Variants in NDRG3 observed in about 807,000 individuals in gnomAD.
NDRG3 encodes the protein protein NDRG3.
A neutral mutation model predicts 57.2 loss-of-function variants in NDRG3; 23 were observed. The observed-to-expected ratio is 0.40, with a 90% CI of 0.29 to 0.57. The LOEUF is 0.57. NDRG3 is among the 20% of genes least tolerant of loss of function. The pLI is 0.42. For synonymous variants in NDRG3, 132 were observed against 162.6 expected (o/e 0.81, Z 1.43); for missense variants, 384 against 457.3 (o/e 0.84, Z 1.46).
chr20:36,687,033 A>AT (rs1488581219), intron 5 of NDRG3, among the ~76,000 whole-genome samples: 2 of 151,998 alleles, frequency 1.3e-5, no homozygotes, highest in South Asian at 2.1e-4. Flanking sequence ...TAATTTTTCA[A>AT]TTTTTTGTAG....
chr20:36,660,774 A>T (rs1600854501), intron 12 of NDRG3, among the ~76,000 whole-genome samples: 2 of 152,072 alleles, frequency 1.3e-5, no homozygotes, highest in East Asian at 3.9e-4. Flanking sequence ...GTTAGCCAGG[A>T]TGGTCTCGAT....
chr20:36,695,077 T>C lies in NDRG3; in HGVS notation c.94-6293A>G, dbSNP rs535922452. 2.0e-5 allele frequency among the ~76,000 whole-genome samples: 3 copies of C among 152,364 alleles called. No homozygotes were observed. The East Asian group carries it at 5.8e-4, about 29-fold the overall frequency. On this transcript the variant is annotated intron_variant, in intron 3 of 15. Coordinates refer to ENST00000349004, the MANE Select transcript of NDRG3 (RefSeq NM_032013.4). Reference sequence around the variant, plus strand: ...ATTTGTTAGTTCTCCAAATTAATACTTTTACAATTTCTTATGCCAGTCTTT... The same window carrying C: ...ATTTGTTAGTTCTCCAAATTAATACCTTTACAATTTCTTATGCCAGTCTTT...
intron 1 of NDRG3, among the ~76,000 whole-genome samples, chr20:36,726,253 G>A (rs951012803): frequency 6.6e-6 from 1 of 152,034 alleles, no homozygotes; most frequent in African/African-American, 2.4e-5. Flanking sequence ...GAAGAAAAAT[G>A]CAATTTTTAC....
chr20:36,721,805 T>C, intron 1 of NDRG3, 22 bp from the exon 2 acceptor site: 1 of 1,164,590 alleles, frequency 8.6e-7, no homozygotes, highest in Non-Finnish European at 1.3e-6. Context: ...AAGAAAGAAG[T>C]GAAGAAAAAG....
chr20:36,681,443 C>T (rs1312617455), intron 7 of NDRG3, among the ~76,000 whole-genome samples: 4 of 151,884 alleles, frequency 2.6e-5, no homozygotes, highest in Admixed American at 2.6e-4. Flanking sequence ...AGAGACCAGC[C>T]TGACCAACAT....
chr20:36,705,729 C>T (rs74760141), intron 3 of NDRG3, among the ~76,000 whole-genome samples: 56 of 152,052 alleles, frequency 3.7e-4, no homozygotes, highest in African/African-American at 1.3e-3. Context: ...TTCTTACTCC[C>T]ATGTTTTCTT....
At chr20:36,681,608 C>G (rs983492681) in intron 7 of NDRG3, among the ~76,000 whole-genome samples, 1 of 145,308 alleles carries the variant, frequency 6.9e-6, no homozygotes, top group Non-Finnish European at 1.5e-5. Flanking sequence ...TGCACTCCAG[C>G]CTGGGCGACA....
intron 15 of NDRG3, among the ~76,000 whole-genome samples, chr20:36,655,811 T>C (rs984641387): frequency 1.3e-5 from 2 of 152,070 alleles, no homozygotes. Context: ...CTTCTATAAA[T>C]TGGCACTAAT....
chr20:36,693,250 A>G (rs1035346081), intron 3 of NDRG3, among the ~76,000 whole-genome samples: 1 of 145,876 alleles, frequency 6.9e-6, no homozygotes, highest in Non-Finnish European at 1.5e-5. Context: ...GTATATATAT[A>G]TTCTAAATAA....
chr20:36,730,917 AAC>A (rs2148215700), intron 1 of NDRG3, among the ~76,000 whole-genome samples: 1 of 151,236 alleles, frequency 6.6e-6, no homozygotes, highest in African/African-American at 2.4e-5. Context: ...CAGCCTGGGC[AAC>A]AGAGGGAGAT....
chr20:36,690,270 CAAATA>C (rs1982155216), intron 3 of NDRG3, among the ~76,000 whole-genome samples: 1 of 151,916 alleles, frequency 6.6e-6, no homozygotes, highest in African/African-American at 2.4e-5. Flanking sequence ...GCTCAGGAAC[CAAATA>C]GAGCAGACAA....
intron 12 of NDRG3, among the ~76,000 whole-genome samples, chr20:36,661,820 G>A (rs2148032532): frequency 6.6e-6 from 1 of 152,284 alleles, no homozygotes; most frequent in African/African-American, 2.4e-5. Flanking sequence ...AAATTACCTA[G>A]GCAAGACCCA....
chr20:36,703,026 G>A (rs1983336534), intron 3 of NDRG3, among the ~76,000 whole-genome samples: 1 of 151,962 alleles, frequency 6.6e-6, no homozygotes, highest in Non-Finnish European at 1.5e-5. Flanking sequence ...CACCATGTTG[G>A]CCAGGCTGGT....
chr20:36,728,738 G>A (rs977792595), intron 1 of NDRG3, among the ~76,000 whole-genome samples: 2 of 151,524 alleles, frequency 1.3e-5, no homozygotes, highest in African/African-American at 4.8e-5. Flanking sequence ...TTGGGGGGGA[G>A]GTTTTGAGAC....
chr20:36,717,421 T>C (rs1984338698), intron 2 of NDRG3, among the ~76,000 whole-genome samples: 1 of 152,126 alleles, frequency 6.6e-6, no homozygotes, highest in African/African-American at 2.4e-5. Flanking sequence ...AAGGATAAGG[T>C]GAAATACTAC....
intron 7 of NDRG3, among the ~76,000 whole-genome samples, chr20:36,681,112 T>A (rs552593566): frequency 1.3e-5 from 2 of 152,352 alleles, no homozygotes; most frequent in South Asian, 4.1e-4. Flanking sequence ...ATCAAATTAC[T>A]TATTTTACTA....
rs1600847428 is a variant in NDRG3, at chr20:36,656,289, G to A, written c.946+71C>T. 16 of 1,462,694 alleles carry A rather than the reference G, an allele frequency of 1.1e-5. No homozygotes were observed. In the East Asian group the frequency reaches 3.4e-4, roughly 31 times the overall value. The allele number at this position is 1,462,694 out of a possible 1,614,324, so 90.6% of individuals were successfully genotyped here. ...CAGAGGTTATATCTCAAGAATTGTGGGCTCCCAGATGTGAAACTGGCTCCC... is the reference window on the plus strand; with the variant it reads ...CAGAGGTTATATCTCAAGAATTGTGAGCTCCCAGATGTGAAACTGGCTCCC... On this transcript the variant is annotated intron_variant, in intron 15 of 15. Transcript: ENST00000349004.
In NDRG3 at chr20:36,684,409, C is replaced by G; in HGVS notation, c.383+4G>C. 6.2e-7 allele frequency: 1 copy of G among 1,613,234 alleles called. No individual in the cohort carries two copies. On this transcript the variant is annotated splice_donor_region_variant and intron_variant, in intron 6 of 15. Transcript: ENST00000349004. ...CTGCATGAAAGACTGCAGAATGAAC[C>G]TACCTTAGGTGGGTAAGAACAGGAG...
intron 2 of NDRG3, among the ~76,000 whole-genome samples, chr20:36,717,716 AAAC>A (rs770320669): frequency 1.3e-4 from 20 of 152,346 alleles, no homozygotes; most frequent in East Asian, 7.7e-4. Flanking sequence ...GGACAGGCAA[AAAC>A]AACAACAACA....
Sources: allele counts gnomAD v4.1 joint callset (sites outside exome capture counted in the v4.1 genomes callset), GRCh38; gene constraint gnomAD v4.1.1; transcripts MANE v1.5; gene names NCBI Gene and HGNC (gene_info 2026-07-23, HGNC 2026-07-21).